The following NFIC variants were observed in gnomAD, a reference collection of about 807,000 sequenced individuals.
The protein encoded by NFIC is nuclear factor I C.
A neutral mutation model predicts 54.4 loss-of-function variants in NFIC; 12 were observed. The observed-to-expected ratio is 0.22, with a 90% CI of 0.14 to 0.36. The LOEUF (loss-of-function observed/expected upper bound fraction) is 0.36. Among genes scored for constraint, NFIC ranks in the 10% least tolerant of loss-of-function variants. The pLI, the probability that NFIC is intolerant of heterozygous loss-of-function variation, is 1.00. For synonymous variants in NFIC, 322 were observed against 319.2 expected (o/e 1.01, Z -0.09); for missense variants, 575 against 718.2 (o/e 0.80, Z 2.28).
chr19:3,403,120 A>G (rs2081582812), intron 2 of NFIC, among the ~76,000 whole-genome samples: 1 of 152,098 alleles, frequency 6.6e-6, no homozygotes, highest in Non-Finnish European at 1.5e-5. Context: ...GAATAATCAC[A>G]CTCATTTGGC....
intron 2 of NFIC, among the ~76,000 whole-genome samples, chr19:3,396,770 A>G (rs1354465821): frequency 6.6e-6 from 1 of 152,264 alleles, no homozygotes; most frequent in Non-Finnish European, 1.5e-5. Flanking sequence ...AGTCTGGCCA[A>G]CATGGCAAAA....
At chr19:3,425,285 C>G (rs1568440672) in intron 3 of NFIC, 108 bp downstream of exon 3, 1 of 1,323,572 alleles carries the variant, frequency 7.6e-7, no homozygotes. Context: ...GATGAGCAGA[C>G]TGAGGCTCGG....
At chr19:3,416,198 C>T (rs1434277759) in intron 2 of NFIC, among the ~76,000 whole-genome samples, 1 of 150,962 alleles carries the variant, frequency 6.6e-6, no homozygotes, top group Non-Finnish European at 1.5e-5. Context: ...TGATTGCCCC[C>T]CCATAAAGAG....
intron 1 of NFIC, among the ~76,000 whole-genome samples, 193 bp from the exon 2 acceptor site, chr19:3,381,519 T>G (rs527844319): frequency 1.2e-3 from 183 of 152,322 alleles, no homozygotes; most frequent in Non-Finnish European, 2.1e-3. Context: ...AAACTTCTCC[T>G]GGGTCCCCCG....
intron 6 of NFIC, among the ~76,000 whole-genome samples, chr19:3,445,802 G>A (rs1314401020): frequency 6.6e-6 from 1 of 152,154 alleles, no homozygotes; most frequent in African/African-American, 2.4e-5. Context: ...GGACAGGACT[G>A]GGGAGGGCCT....
intron 2 of NFIC, among the ~76,000 whole-genome samples, chr19:3,388,182 T>C (rs1275249348): frequency 6.6e-6 from 1 of 151,560 alleles, no homozygotes; most frequent in Non-Finnish European, 1.5e-5. Context: ...GGGAAGCTCA[T>C]AGCACGCCAG....
At chr19:3,430,700 A>G (rs1424573331) in intron 3 of NFIC, among the ~76,000 whole-genome samples, 1 of 151,602 alleles carries the variant, frequency 6.6e-6, no homozygotes, top group Non-Finnish European at 1.5e-5. Flanking sequence ...TTGGGAGGCC[A>G]AGGTGGGTGG....
chr19:3,371,756 C>T (rs1237687447), intron 1 of NFIC, among the ~76,000 whole-genome samples: 2 of 152,016 alleles, frequency 1.3e-5, no homozygotes, highest in African/African-American at 4.8e-5. Context: ...TGTGTATTTG[C>T]GCAGCGTAAG....
intron 2 of NFIC, among the ~76,000 whole-genome samples, chr19:3,400,769 A>G (rs1047817182): frequency 1.3e-5 from 2 of 151,644 alleles, no homozygotes; most frequent in South Asian, 4.2e-4. Context: ...TTGAACCCGG[A>G]AGGCGGAGGT....
chr19:3,372,948 G>A (rs1040467611), intron 1 of NFIC, among the ~76,000 whole-genome samples: 1 of 151,978 alleles, frequency 6.6e-6, no homozygotes, highest in Non-Finnish European at 1.5e-5. Flanking sequence ...GGGTTCAAGC[G>A]ATTTTCCCGC....
intron 10 of NFIC, among the ~76,000 whole-genome samples, chr19:3,462,223 A>C (rs2082651888): frequency 6.6e-6 from 1 of 150,860 alleles, no homozygotes; most frequent in African/African-American, 2.4e-5. Context: ...CTCTACTAAA[A>C]ATACAAAAAT....
intron 6 of NFIC, among the ~76,000 whole-genome samples, chr19:3,438,404 C>G (rs965819886): frequency 2.7e-5 from 4 of 150,050 alleles, no homozygotes; most frequent in Non-Finnish European, 5.9e-5. Context: ...CAGGGGATGG[C>G]AAACTCACTC....
At chr19:3,461,500 A>G (rs758663045) in intron 10 of NFIC, among the ~76,000 whole-genome samples, 3 of 151,704 alleles carry the variant, frequency 2.0e-5, no homozygotes, top group Non-Finnish European at 2.9e-5. Flanking sequence ...AGGTGGGCGG[A>G]TCACTTGAGG....
chr19:3,440,336 T>A (rs62130566), intron 6 of NFIC, among the ~76,000 whole-genome samples: 1 of 151,794 alleles, frequency 6.6e-6, no homozygotes, highest in Non-Finnish European at 1.5e-5. Context: ...AAATGTCTCT[T>A]GCGGGCAGAA....
chr19:3,445,359 C>A (rs1407596600), intron 6 of NFIC, among the ~76,000 whole-genome samples: 1 of 152,236 alleles, frequency 6.6e-6, no homozygotes, highest in Admixed American at 6.5e-5. Flanking sequence ...TCACAGACTT[C>A]ATGGCATCCC....
intron 6 of NFIC, among the ~76,000 whole-genome samples, chr19:3,439,419 G>C (rs563533402): frequency 1.5e-5 from 2 of 137,150 alleles, no homozygotes; most frequent in African/African-American, 5.3e-5. Context: ...GAGGCAGGCG[G>C]ATCACCTGAG....
chr19:3,456,401 G>A (rs2082556677), intron 9 of NFIC, 149 bp from the exon 10 acceptor site: 1 of 711,226 alleles, frequency 1.4e-6, no homozygotes, highest in Non-Finnish European at 2.3e-6. Flanking sequence ...TTCAACTGGG[G>A]GTAGGGCGGC....
intron 2 of NFIC, among the ~76,000 whole-genome samples, chr19:3,405,533 G>A (rs1256983423): frequency 3.9e-5 from 6 of 152,132 alleles, no homozygotes; most frequent in Non-Finnish European, 7.4e-5. Flanking sequence ...GGAGGAGGAA[G>A]TTCTCTATGG....
intron 1 of NFIC, among the ~76,000 whole-genome samples, chr19:3,367,777 A>G (rs967818281): frequency 1.1e-4 from 17 of 152,226 alleles, no homozygotes; most frequent in Non-Finnish European, 2.2e-4. Context: ...GGCAAACTGT[A>G]AAGTCCCGGC....
Sources: gnomAD v4.1 joint callset for allele counts (sites outside exome capture counted in the v4.1 genomes callset) on GRCh38, gnomAD v4.1.1 for gene constraint, MANE v1.5 for transcripts, NCBI Gene and HGNC (gene_info 2026-07-23, HGNC 2026-07-21) for gene names.